TMPRSS9: variants seen among roughly 807,000 people sequenced by gnomAD.
TMPRSS9 encodes the protein transmembrane serine protease 9.
Under a neutral mutation model 111.4 loss-of-function variants are expected in TMPRSS9, and 113 were observed. That is an observed-to-expected ratio of 1.01 (90% CI 0.87 to 1.19). The LOEUF (loss-of-function observed/expected upper bound fraction) is 1.19. Among genes scored for constraint, TMPRSS9 ranks in the 50% most tolerant of loss-of-function variants. The pLI, the probability that TMPRSS9 is intolerant of heterozygous loss-of-function variation, is 0.00. For synonymous variants in TMPRSS9, 805 were observed against 659.1 expected, an observed-to-expected ratio of 1.22 and a Z score of -3.39; for missense variants, 1,803 against 1,513.1, an observed-to-expected ratio of 1.19 and a Z score of -3.18.
exon 18 of TMPRSS9, chr19:2,426,015 G>A (rs746390502): frequency 3.7e-6 from 6 of 1,607,622 alleles, no homozygotes; most frequent in African/African-American, 1.3e-5. Flanking sequence ...GGCTGTGGCC[G>A]GCCCCACTTC....
intron 1 of TMPRSS9, among the ~76,000 whole-genome samples, chr19:2,366,629 G>A (rs1161286487): frequency 6.6e-6 from 1 of 151,894 alleles, no homozygotes; most frequent in Non-Finnish European, 1.5e-5. Flanking sequence ...AGGCTGAGGA[G>A]GGCAGATCAC....
intron 1 of TMPRSS9, among the ~76,000 whole-genome samples, chr19:2,375,135 T>G (rs1970321833): frequency 6.6e-6 from 1 of 152,200 alleles, no homozygotes; most frequent in African/African-American, 2.4e-5. Context: ...GCCACCAAGA[T>G]GGAGGCCAAT....
Position 2,415,854 on chromosome 19 carries a change from T to C in TMPRSS9, c.1745+13T>C. ...ACTGCTTCAACCAGTAAGGCCCGCC[T>C]CCTCCAGGAAGGCTGCCCGGCTTCC... On this transcript the variant is annotated intron_variant, in intron 11 of 17. Coordinates refer to ENST00000648592, the Ensembl canonical transcript of TMPRSS9. The C allele has an allele frequency of 6.4e-7, 1 of 1,562,572 alleles. No individual in the cohort carries two copies. The highest frequency in any genetic ancestry group is 8.7e-7 in the Non-Finnish European group (1 of 1,149,070).
intron 13 of TMPRSS9, among the ~76,000 whole-genome samples, 180 bp downstream of exon 14, chr19:2,418,318 C>CTTTT (rs1432092583): frequency 2.1e-5 from 1 of 47,466 alleles, no homozygotes. Context: ...TCCCTCCCTC[C>CTTTT]CTCCCTCCCT....
intron 1 of TMPRSS9, among the ~76,000 whole-genome samples, chr19:2,375,822 A>G (rs1215045648): frequency 6.6e-6 from 1 of 152,174 alleles, no homozygotes; most frequent in Non-Finnish European, 1.5e-5. Flanking sequence ...TTACAACTGA[A>G]GGGACAAAGC....
intron 1 of TMPRSS9, among the ~76,000 whole-genome samples, chr19:2,392,777 T>C (rs931005360): frequency 1.3e-5 from 2 of 152,054 alleles, no homozygotes; most frequent in African/African-American, 4.8e-5. Flanking sequence ...CAATCAGTGC[T>C]CTGTGTCTAG....
intron 1 of TMPRSS9, among the ~76,000 whole-genome samples, chr19:2,364,591 TGGG>T (rs1195905775): frequency 1.3e-5 from 2 of 151,142 alleles, no homozygotes; most frequent in African/African-American, 2.4e-5. Flanking sequence ...AAAAAAAAAT[TGGG>T]GGGGATAATT....
chr19:2,394,429 C>T lies in TMPRSS9; in HGVS notation c.143-2110C>T, dbSNP rs188655293. Among the ~76,000 whole-genome samples the T allele has an allele frequency of 6.6e-5, 10 of 152,220 alleles. No homozygotes were observed. The East Asian group carries it at 1.5e-3, about 23-fold the overall frequency. On this transcript the variant is annotated intron_variant, in intron 1 of 17. Transcript: ENST00000648592. ...AAATAAAAATGAGAATTCAGCCCTT[C>T]GCAAACAGCTCACCATTTTAGTTGG... is the stretch of plus-strand genomic sequence containing the variant.
chr19:2,394,882 A>G (rs1213622006), intron 1 of TMPRSS9, among the ~76,000 whole-genome samples: 3 of 151,990 alleles, frequency 2.0e-5, no homozygotes, highest in African/African-American at 4.8e-5. Context: ...CGTAGTTTTT[A>G]TTTAGATTTT....
At chr19:2,425,680 G>C in intron 17 of TMPRSS9, 187 bp downstream of exon 18, 2 of 1,252,018 alleles carry the variant, frequency 1.6e-6, no homozygotes, top group South Asian at 1.8e-5. Context: ...GCAACCCACC[G>C]CATCCCATCC....
chr19:2,363,780 CTGTG>C (rs200595061), intron 1 of TMPRSS9, among the ~76,000 whole-genome samples: 1 of 119,100 alleles, frequency 8.4e-6, no homozygotes, highest in Non-Finnish European at 1.7e-5. Context: ...TCCAAGAACT[CTGTG>C]TGTGAGTGTG....
chr19:2,369,347 A>G (rs1392763706), intron 1 of TMPRSS9, among the ~76,000 whole-genome samples: 2 of 152,178 alleles, frequency 1.3e-5, no homozygotes, highest in Admixed American at 1.3e-4. Flanking sequence ...ATTTTTGTGA[A>G]GAGGAGACTG....
chr19:2,378,798 G>A (rs1447197222), intron 1 of TMPRSS9, among the ~76,000 whole-genome samples: 3 of 152,144 alleles, frequency 2.0e-5, no homozygotes, highest in African/African-American at 7.2e-5. Flanking sequence ...TGGCTGGGGA[G>A]GCCTCAGGAA....
At chr19:2,370,290 G>A (rs887469648) in intron 1 of TMPRSS9, among the ~76,000 whole-genome samples, 2 of 151,938 alleles carry the variant, frequency 1.3e-5, no homozygotes, top group Admixed American at 6.6e-5. Context: ...GCACAGTGGC[G>A]GGAGCCTGTA....
exon 14 of TMPRSS9, chr19:2,422,074 C>A: frequency 6.2e-7 from 1 of 1,609,596 alleles, no homozygotes. Flanking sequence ...AGCCCCAGGA[C>A]GACAGCTGGC....
chr19:2,393,454 C>T (rs1412020554), intron 1 of TMPRSS9, among the ~76,000 whole-genome samples: 2 of 152,198 alleles, frequency 1.3e-5, no homozygotes, highest in African/African-American at 4.8e-5. Context: ...ATCCGAACAT[C>T]AGCAAGAACA....
chr19:2,369,430 T>C (rs1406153433), intron 1 of TMPRSS9, among the ~76,000 whole-genome samples: 1 of 148,066 alleles, frequency 6.8e-6, no homozygotes, highest in African/African-American at 2.7e-5. Flanking sequence ...TTAGCTTTTG[T>C]TTGTTTAAGA....
intron 1 of TMPRSS9, among the ~76,000 whole-genome samples, chr19:2,392,034 G>A (rs113881610): frequency 1.3e-5 from 2 of 151,494 alleles, no homozygotes; most frequent in South Asian, 2.1e-4. Context: ...GAGCCACCAC[G>A]CCCCATCAGG....
At chr19:2,408,318 A>AC in intron 7 of TMPRSS9, 38 bp from the exon 9 acceptor site, 1 of 1,598,176 alleles carries the variant, frequency 6.3e-7, no homozygotes. Flanking sequence ...GACGGCTCTG[A>AC]CCCTCGGTGG....
Sources: allele counts gnomAD v4.1 joint callset (sites outside exome capture counted in the v4.1 genomes callset), GRCh38; gene constraint gnomAD v4.1.1; transcripts MANE v1.5; gene names NCBI Gene and HGNC (gene_info 2026-07-23, HGNC 2026-07-21).